The following ADIPOR2 variants were observed in gnomAD, a reference collection of about 807,000 sequenced individuals.
ADIPOR2 encodes adiponectin receptor protein 2.
ADIPOR2 carries 18 observed loss-of-function variants against 40.9 expected under a neutral mutation model. The ratio of observed to expected loss-of-function variants is 0.44; its 90% CI spans 0.30 to 0.65. The LOEUF (loss-of-function observed/expected upper bound fraction) is 0.65. Ranked by LOEUF, ADIPOR2 falls within the 30% of genes least tolerant of loss-of-function variation. The pLI is 0.09. For missense variants in ADIPOR2, 283 were observed against 479.2 expected (o/e 0.59, Z 3.82); for synonymous variants, 165 against 166.4 (o/e 0.99, Z 0.06).
At chr12:1,776,742 T>C (rs967356479) in intron 3 of ADIPOR2, among the ~76,000 whole-genome samples, 2 of 152,192 alleles carry the variant, frequency 1.3e-5, no homozygotes, top group Non-Finnish European at 2.9e-5. Context: ...AGGGCTGAGC[T>C]TCTTTACCAT....
intron 1 of ADIPOR2, among the ~76,000 whole-genome samples, chr12:1,736,066 T>C (rs1263412926): frequency 6.6e-6 from 1 of 152,130 alleles, no homozygotes; most frequent in African/African-American, 2.4e-5. Flanking sequence ...CTTTTTTGTT[T>C]TGTCTCTGCC....
chr12:1,719,849 AG>A (rs1437078511), intron 1 of ADIPOR2, among the ~76,000 whole-genome samples: 9 of 151,564 alleles, frequency 5.9e-5, no homozygotes, highest in Non-Finnish European at 1.3e-4. Flanking sequence ...TAATTGTTAT[AG>A]TTTTTTAGCA....
At chr12:1,708,480 A>G (rs1381712624) in intron 1 of ADIPOR2, among the ~76,000 whole-genome samples, 2 of 152,124 alleles carry the variant, frequency 1.3e-5, no homozygotes, top group East Asian at 3.9e-4. Context: ...ACCTGTGTTT[A>G]TTTTGGAAGC....
chr12:1,708,186 G>GTT lies in ADIPOR2; in HGVS notation c.-87+17008_-87+17009dup, dbSNP rs34873246. On this transcript the variant is annotated intron_variant, in intron 1 of 7. Coordinates refer to ENST00000357103, the MANE Select transcript of ADIPOR2 (RefSeq NM_024551.3). ...GGAAGATGTGCATATGCAAATATGGGTTTTTTTTTTTTTTAAATAAGGGAC... is the reference window on the plus strand; with the variant it reads ...GGAAGATGTGCATATGCAAATATGGGTTTTTTTTTTTTTTTTAAATAAGGGAC... Among the ~76,000 whole-genome samples, 651 of 145,036 alleles carry GTT rather than the reference G, an allele frequency of 4.5e-3. 2 individuals are homozygous for GTT. The highest frequency in any genetic ancestry group is 0.018 in the South Asian group (82 of 4,568).
intron 1 of ADIPOR2, among the ~76,000 whole-genome samples, chr12:1,721,642 C>CA (rs1366641363): frequency 6.6e-6 from 1 of 152,104 alleles, no homozygotes; most frequent in African/African-American, 2.4e-5. Flanking sequence ...CAGTAGTAAA[C>CA]AAAAATATCA....
rs985679669 is a variant in ADIPOR2, at chr12:1,780,554, A to G, written c.567A>G (p.Leu189=). The change falls in exon 5 of 8, where the codon TTA becomes TTG. Residue 189 remains leucine, a synonymous_variant. Coordinates refer to ENST00000357103, the MANE Select transcript of ADIPOR2 (RefSeq NM_024551.3). ...QEKVVFGLFF[L]GAILCLSFSW... is the part of the protein sequence containing the mutation. ...AGGTGGTCTTTGGATTATTTTTCTT[A>G]GGAGCCATTCTCTGCCTTTCTTTTT... The G allele has an allele frequency of 2.0e-5, 32 of 1,613,582 alleles. No individual in the cohort carries two copies. The highest frequency in any genetic ancestry group is 5.5e-5 in the South Asian group (5 of 91,048).
At position 1,755,978 on chromosome 12, in the gene ADIPOR2, C is replaced by T. The variant is rs1592614905; in HGVS notation, c.171+1464C>T. Among the ~76,000 whole-genome samples, 3 of 152,086 alleles carry T rather than the reference C, an allele frequency of 2.0e-5. No individual in the cohort carries two copies. The East Asian group carries it at 5.8e-4, about 29-fold the overall frequency. On this transcript the variant is annotated intron_variant, in intron 2 of 7. Transcript: ENST00000357103. ...GTGGTTAACATTTTGAAAGCTTCTA[C>T]TGGGAACAGCAGCTGGGGGAAGAGT...
chr12:1,703,225 TAGTTA>T (rs2094654117), intron 1 of ADIPOR2, among the ~76,000 whole-genome samples: 1 of 152,234 alleles, frequency 6.6e-6, no homozygotes, highest in Non-Finnish European at 1.5e-5. Flanking sequence ...TACTATATAC[TAGTTA>T]AGTTTTTTAA....
chr12:1,780,371 G>T, intron 4 of ADIPOR2, 80 bp from the exon 5 acceptor site: 1 of 1,321,224 alleles, frequency 7.6e-7, no homozygotes, highest in Non-Finnish European at 1.0e-6. Flanking sequence ...TAATGCAGAA[G>T]GATTGAAAAC....
intron 1 of ADIPOR2, among the ~76,000 whole-genome samples, chr12:1,706,111 T>TA (rs1426171667): frequency 2.6e-5 from 4 of 152,238 alleles, no homozygotes; most frequent in African/African-American, 9.6e-5. Flanking sequence ...GGGAACTACT[T>TA]ACTTTTGTGG....
At chr12:1,715,163 C>T (rs556893184) in intron 1 of ADIPOR2, among the ~76,000 whole-genome samples, 57 of 152,130 alleles carry the variant, frequency 3.7e-4, no homozygotes, top group African/African-American at 1.3e-3. Context: ...AGGTCCTCCT[C>T]CCCAATATTG....
intron 3 of ADIPOR2, 122 bp from the exon 4 acceptor site, chr12:1,777,732 T>G: frequency 2.1e-6 from 2 of 949,524 alleles, no homozygotes; most frequent in Non-Finnish European, 3.1e-6. Flanking sequence ...GATGTTTGCC[T>G]TTTTAAAAAT....
chr12:1,735,382 T>G (rs963141619), intron 1 of ADIPOR2, among the ~76,000 whole-genome samples: 9 of 152,222 alleles, frequency 5.9e-5, no homozygotes, highest in African/African-American at 2.2e-4. Flanking sequence ...TCACTCATGA[T>G]TTGGCTCTCT....
chr12:1,781,687 A>T (rs1862723501), intron 6 of ADIPOR2, among the ~76,000 whole-genome samples: 1 of 152,120 alleles, frequency 6.6e-6, no homozygotes, highest in Admixed American at 6.5e-5. Context: ...ATTAGCAGAG[A>T]TGTTCTTGTC....
intron 1 of ADIPOR2, among the ~76,000 whole-genome samples, chr12:1,753,781 A>G (rs1862054429): frequency 6.6e-6 from 1 of 152,048 alleles, no homozygotes; most frequent in Admixed American, 6.6e-5. Flanking sequence ...TATAATATAT[A>G]AACTTACATA....
intron 1 of ADIPOR2, among the ~76,000 whole-genome samples, chr12:1,720,720 A>G (rs1190450823): frequency 1.3e-5 from 2 of 152,202 alleles, no homozygotes; most frequent in African/African-American, 4.8e-5. Context: ...CTGTGAGGCC[A>G]GGTTCCTAAC....
chr12:1,751,544 G>C (rs2094769117), intron 1 of ADIPOR2, among the ~76,000 whole-genome samples: 1 of 152,050 alleles, frequency 6.6e-6, no homozygotes, highest in African/African-American at 2.4e-5. Context: ...TCTTTGCTTT[G>C]TTACTCAGGC....
intron 1 of ADIPOR2, among the ~76,000 whole-genome samples, chr12:1,744,113 AT>A (rs979269984): frequency 3.8e-4 from 55 of 142,988 alleles, no homozygotes; most frequent in Admixed American, 3.5e-4. Flanking sequence ...TTTTTTCTGT[AT>A]TTTTTTTTTT....
intron 1 of ADIPOR2, chr12:1,697,691 C>A (rs546416367): frequency 6.5e-6 from 1 of 152,756 alleles, no homozygotes; most frequent in South Asian, 2.1e-4. Flanking sequence ...AAAAAGAGCT[C>A]TAGCAAACTT....
Sources: allele counts gnomAD v4.1 joint callset (sites outside exome capture counted in the v4.1 genomes callset), GRCh38; gene constraint gnomAD v4.1.1; transcripts MANE v1.5; gene names NCBI Gene and HGNC (gene_info 2026-07-23, HGNC 2026-07-21).